RAB27B: variants seen among roughly 807,000 people sequenced by gnomAD.
RAB27B encodes ras-related protein Rab-27B.
Under a neutral mutation model 24.6 loss-of-function variants are expected in RAB27B, and 15 were observed. The observed-to-expected ratio is 0.61, with a 90% CI of 0.41 to 0.94. RAB27B has a LOEUF of 0.94. Among genes scored for constraint, RAB27B ranks in the 40% least tolerant of loss-of-function variants. RAB27B has a pLI of 0.00. For synonymous variants in RAB27B, 105 were observed against 92.5 expected (o/e 1.14, Z -0.78); for missense variants, 261 against 266.8 (o/e 0.98, Z 0.15).
At chr18:54,759,727 C>T (rs1231117058) in intron 2 of RAB27B, among the ~76,000 whole-genome samples, 3 of 152,140 alleles carry the variant, frequency 2.0e-5, no homozygotes, top group South Asian at 2.1e-4. Context: ...AGAGGGGCAG[C>T]AGAGTGATAG....
intron 2 of RAB27B, among the ~76,000 whole-genome samples, chr18:54,819,351 G>A (rs1598928665): frequency 6.7e-6 from 1 of 148,528 alleles, no homozygotes; most frequent in Non-Finnish European, 1.5e-5. Flanking sequence ...TTACCAGATT[G>A]ATAATAAAAA....
At chr18:54,777,631 GTACTCTCAGC>G (rs1004100934) in intron 2 of RAB27B, among the ~76,000 whole-genome samples, 15 of 152,326 alleles carry the variant, frequency 9.8e-5, no homozygotes, top group African/African-American at 3.1e-4. Context: ...TAAATTATCT[GTACTCTCAGC>G]TGCAGTTCTT....
rs555444679 is a variant in RAB27B, at chr18:54,764,265, A to C, written c.-20+46124A>C. ...TCGAACTGGGCTAATTTCTCAAGGA[A>C]TAAGTATTGTTTTGCTACTTCAACT... On this transcript the variant is annotated intron_variant, in intron 2 of 4. Coordinates refer to the RAB27B transcript ENST00000586570. Among the ~76,000 whole-genome samples, 41 of 152,300 alleles carry C rather than the reference A, an allele frequency of 2.7e-4. No homozygotes were observed. In the South Asian group the frequency reaches 8.5e-3, roughly 32 times the overall value.
rs539969839 is a variant in RAB27B, at chr18:54,729,077, C to T, written c.-20+10936C>T. 4.0e-5 allele frequency among the ~76,000 whole-genome samples: 6 copies of T among 151,890 alleles called. No individual in the cohort carries two copies. The East Asian group carries it at 1.2e-3, about 29-fold the overall frequency. ...ATTAAAAACAAAAAGCATAACATTG[C>T]CTGATGGACTTTTTCACAGGCTGAC... is the stretch of plus-strand genomic sequence containing the variant. On this transcript the variant is annotated intron_variant, in intron 2 of 4. Transcript: ENST00000586570.
At chr18:54,725,346 G>A (rs1909497196) in intron 2 of RAB27B, among the ~76,000 whole-genome samples, 1 of 151,348 alleles carries the variant, frequency 6.6e-6, no homozygotes, top group Admixed American at 6.6e-5. Context: ...ACCATTTCAG[G>A]GTGAGTTTAC....
At chr18:54,853,262 A>G (rs1444538441) in intron 1 of RAB27B, among the ~76,000 whole-genome samples, 2 of 152,202 alleles carry the variant, frequency 1.3e-5, no homozygotes, top group Non-Finnish European at 2.9e-5. Context: ...GGGATCTTAA[A>G]TTCTTTTAAT....
chr18:54,816,682 A>T (rs1328298336), intron 2 of RAB27B, among the ~76,000 whole-genome samples: 1 of 152,190 alleles, frequency 6.6e-6, no homozygotes, highest in African/African-American at 2.4e-5. Context: ...TAGAGTTAGG[A>T]TCATTAAGTG....
At chr18:54,780,088 G>A (rs547073427) in intron 2 of RAB27B, among the ~76,000 whole-genome samples, 16 of 78,552 alleles carry the variant, frequency 2.0e-4, no homozygotes, top group East Asian at 1.1e-3. Flanking sequence ...GTCTCCGCCC[G>A]TCCTGACAGC....
chr18:54,725,588 G>A (rs1909509638), intron 2 of RAB27B, among the ~76,000 whole-genome samples: 1 of 151,432 alleles, frequency 6.6e-6, no homozygotes, highest in Admixed American at 6.6e-5. Flanking sequence ...TCACAGTTCG[G>A]CATGGCACGG....
At chr18:54,787,342 C>T (rs1038699033) in intron 2 of RAB27B, among the ~76,000 whole-genome samples, 2 of 152,176 alleles carry the variant, frequency 1.3e-5, no homozygotes, top group African/African-American at 4.8e-5. Context: ...ACAGGAACCA[C>T]GTGGTCTAAA....
intron 2 of RAB27B, among the ~76,000 whole-genome samples, chr18:54,720,871 A>C (rs879920106): frequency 6.6e-6 from 1 of 152,118 alleles, no homozygotes; most frequent in Non-Finnish European, 1.5e-5. Flanking sequence ...GGCCACATAC[A>C]CATGCCACAA....
chr18:54,845,315 G>A (rs1163788988), intron 1 of RAB27B, among the ~76,000 whole-genome samples: 4 of 150,054 alleles, frequency 2.7e-5, no homozygotes, highest in Admixed American at 2.0e-4. Flanking sequence ...ACTGAGGCAG[G>A]GGAATCACTT....
intron 1 of RAB27B, among the ~76,000 whole-genome samples, chr18:54,869,069 A>C (rs1240340123): frequency 6.6e-6 from 1 of 152,224 alleles, no homozygotes; most frequent in Admixed American, 6.5e-5. Context: ...TCTTGTCTGC[A>C]AAACAGTGTT....
chr18:54,788,847 T>C (rs1043349199), intron 2 of RAB27B, among the ~76,000 whole-genome samples: 1 of 152,286 alleles, frequency 6.6e-6, no homozygotes, highest in African/African-American at 2.4e-5. Flanking sequence ...ATAAAACATA[T>C]GGATTTGGTC....
chr18:54,772,468 C>G (rs1908581529), intron 2 of RAB27B, among the ~76,000 whole-genome samples: 1 of 152,210 alleles, frequency 6.6e-6, no homozygotes. Flanking sequence ...GTATTGGCCT[C>G]TAGGCTTATC....
chr18:54,838,958 T>C (rs1472993778), intron 1 of RAB27B, among the ~76,000 whole-genome samples: 1 of 152,146 alleles, frequency 6.6e-6, no homozygotes, highest in African/African-American at 2.4e-5. Flanking sequence ...GCTAACATTA[T>C]AGGGACAAAT....
At chr18:54,847,654 T>C (rs940018548) in intron 1 of RAB27B, among the ~76,000 whole-genome samples, 14 of 152,218 alleles carry the variant, frequency 9.2e-5, no homozygotes, top group Non-Finnish European at 2.1e-4. Flanking sequence ...TGGAGAAACA[T>C]ACTAAATGTA....
At chr18:54,754,331 CT>C (rs1367504922) in intron 2 of RAB27B, among the ~76,000 whole-genome samples, 1 of 101,526 alleles carries the variant, frequency 9.8e-6, no homozygotes, top group Non-Finnish European at 2.1e-5. Context: ...CCATGGCTAA[CT>C]GTGAGTCAAT....
chr18:54,809,053 C>T (rs1909882250), intron 2 of RAB27B, among the ~76,000 whole-genome samples: 1 of 152,104 alleles, frequency 6.6e-6, no homozygotes, highest in Admixed American at 6.6e-5. Context: ...GAAATTTTCC[C>T]CCATTGAATT....
Sources: allele counts gnomAD v4.1 joint callset (sites outside exome capture counted in the v4.1 genomes callset), GRCh38; gene constraint gnomAD v4.1.1; transcripts MANE v1.5; gene names NCBI Gene and HGNC (gene_info 2026-07-23, HGNC 2026-07-21).